DARS1: variants seen among roughly 807,000 people sequenced by gnomAD.
DARS1 encodes aspartyl-tRNA synthetase 1, also known as aspartate--tRNA ligase, cytoplasmic.
In DARS1, 51 loss-of-function variants were observed where a neutral mutation model predicts 68.8. The ratio of observed to expected loss-of-function variants is 0.74; its 90% CI spans 0.59 to 0.94. DARS1 has a LOEUF of 0.94. DARS1 is among the 40% of genes least tolerant of loss of function. DARS1 has a pLI of 0.00. For missense variants in DARS1, 607 were observed against 597.3 expected (o/e 1.02, Z -0.17); for synonymous variants, 203 against 190.4 (o/e 1.07, Z -0.55).
chr2:135,910,035 T>C (rs1680863729), intron 15 of DARS1, among the ~76,000 whole-genome samples: 1 of 152,160 alleles, frequency 6.6e-6, no homozygotes, highest in Admixed American at 6.6e-5. Context: ...TAAGGGATAC[T>C]CAATCTATAC....
intron 11 of DARS1, 146 bp downstream of exon 11, chr2:135,916,080 G>C (rs1680995966): frequency 2.2e-6 from 1 of 458,578 alleles, no homozygotes; most frequent in Admixed American, 3.6e-5. Flanking sequence ...AAATTACCAA[G>C]GTTTTAAAAA....
chr2:135,934,311 T>C lies in DARS1; in HGVS notation c.424-321A>G, dbSNP rs186267888. On this transcript the variant is annotated intron_variant, in intron 5 of 15. Coordinates refer to ENST00000264161, the MANE Select transcript of DARS1 (RefSeq NM_001349.4). ...CTGGGGTGTAGGCACTGGCTTACGG[T>C]CTAGCTATGTCAAAAAAGCTATGGT... 2.6e-5 allele frequency among the ~76,000 whole-genome samples: 4 copies of C among 152,306 alleles called. No individual in the cohort carries two copies. In the East Asian group the frequency reaches 5.8e-4, roughly 22 times the overall value.
At chr2:135,936,513 G>C (rs1681476307) in intron 5 of DARS1, among the ~76,000 whole-genome samples, 1 of 151,886 alleles carries the variant, frequency 6.6e-6, no homozygotes, top group South Asian at 2.1e-4. Context: ...CTCCCACCCT[G>C]GCCTCCCAAA....
At chr2:135,972,644 C>T (rs1682399177) in intron 3 of DARS1, among the ~76,000 whole-genome samples, 1 of 152,148 alleles carries the variant, frequency 6.6e-6, no homozygotes, top group Non-Finnish European at 1.5e-5. Context: ...AGACAACCCA[C>T]AGAATGGGAC....
intron 7 of DARS1, among the ~76,000 whole-genome samples, chr2:135,931,936 C>G (rs1277742286): frequency 6.6e-6 from 1 of 151,920 alleles, no homozygotes; most frequent in Non-Finnish European, 1.5e-5. Flanking sequence ...CTAGCAAGGG[C>G]AAATAAATAA....
At chr2:135,931,423 G>C (rs1681346059) in intron 7 of DARS1, among the ~76,000 whole-genome samples, 1 of 152,070 alleles carries the variant, frequency 6.6e-6, no homozygotes, top group South Asian at 2.1e-4. Context: ...TTTTTAAGGA[G>C]ACAGGGGTCT....
intron 5 of DARS1, among the ~76,000 whole-genome samples, chr2:135,937,072 A>G (rs1370864764): frequency 6.6e-6 from 1 of 152,108 alleles, no homozygotes; most frequent in Non-Finnish European, 1.5e-5. Context: ...AGTACTAAAT[A>G]TGTGTGAATT....
chr2:135,915,557 G>C (rs1429447637), intron 11 of DARS1, among the ~76,000 whole-genome samples: 2 of 152,038 alleles, frequency 1.3e-5, no homozygotes, highest in East Asian at 3.8e-4. Flanking sequence ...AAAGTACTGG[G>C]ATTACAGGCA....
At chr2:135,921,069 G>C (rs1300334119) in intron 9 of DARS1, among the ~76,000 whole-genome samples, 1 of 150,360 alleles carries the variant, frequency 6.7e-6, no homozygotes, top group South Asian at 2.1e-4. Context: ...GACTGGACAG[G>C]AGGAAAAGGC....
intron 7 of DARS1, among the ~76,000 whole-genome samples, chr2:135,931,071 T>C (rs974263640): frequency 1.8e-4 from 28 of 152,228 alleles, no homozygotes; most frequent in African/African-American, 6.0e-4. Flanking sequence ...ACCATTCATA[T>C]ACGAGAAAAA....
At chr2:135,974,424 G>GA (rs1228843744) in intron 3 of DARS1, among the ~76,000 whole-genome samples, 1 of 152,184 alleles carries the variant, frequency 6.6e-6, no homozygotes, top group East Asian at 1.9e-4. Flanking sequence ...AAAGCAGAGT[G>GA]AATAGTATAA....
chr2:135,916,426 C>A, intron 10 of DARS1, 54 bp from the exon 11 acceptor site: 6 of 1,040,276 alleles, frequency 5.8e-6, no homozygotes, highest in Non-Finnish European at 3.0e-6. Context: ...GTTTCCCCCA[C>A]AAGAGGTCAC....
intron 4 of DARS1, among the ~76,000 whole-genome samples, chr2:135,952,808 T>C (rs902182176): frequency 1.3e-5 from 2 of 152,248 alleles, no homozygotes; most frequent in African/African-American, 4.8e-5. Context: ...ATCTTGGCTA[T>C]GGTGAATGGT....
At chr2:135,982,761 A>G (rs1034801346) in intron 2 of DARS1, among the ~76,000 whole-genome samples, 4 of 152,092 alleles carry the variant, frequency 2.6e-5, no homozygotes, top group Admixed American at 6.6e-5. Context: ...AACTCAAATC[A>G]TAGTACTGCC....
chr2:135,934,649 C>G (rs1193191461), intron 5 of DARS1, among the ~76,000 whole-genome samples: 2 of 151,768 alleles, frequency 1.3e-5, no homozygotes. Flanking sequence ...CAAAAACAAA[C>G]ATAAACACAA....
chr2:135,954,647 AAAAT>A (rs2104828235), intron 4 of DARS1, among the ~76,000 whole-genome samples: 1 of 152,318 alleles, frequency 6.6e-6, no homozygotes, highest in Non-Finnish European at 1.5e-5. Context: ...GAAAGGTGGC[AAAAT>A]AAAGCAAGTG....
At chr2:135,967,714 C>T (rs570994351) in intron 3 of DARS1, among the ~76,000 whole-genome samples, 2 of 152,042 alleles carry the variant, frequency 1.3e-5, no homozygotes, top group Non-Finnish European at 2.9e-5. Flanking sequence ...AAATGTCATA[C>T]TTTTGACACT....
At chr2:135,961,672 T>G (rs1220185453) in intron 3 of DARS1, among the ~76,000 whole-genome samples, 174 bp from the exon 4 acceptor site, 2 of 152,192 alleles carry the variant, frequency 1.3e-5, no homozygotes, top group African/African-American at 2.4e-5. Flanking sequence ...CACACTCAAC[T>G]GACAACCCTT....
Position 135,943,393 on chromosome 2 carries a change from C to T in DARS1, c.408G>A (p.Glu136=), listed in dbSNP as rs1469806109. 1 of 1,612,740 alleles carries T rather than the reference C, an allele frequency of 6.2e-7. No individual in the cohort carries two copies. The highest frequency in any genetic ancestry group is 2.2e-5 in the East Asian group (1 of 44,820). The change falls in exon 5 of 16, where the codon GAG becomes GAA. Residue 136 remains glutamate (E), a synonymous_variant. Coordinates refer to ENST00000264161, the MANE Select transcript of DARS1 (RefSeq NM_001349.4). ...AAAAACTTACCTTCTGAACATGTAACTCAACGTCTTGCTGTGTACAGCTTC... is the reference window on the plus strand; with the variant it reads ...AAAAACTTACCTTCTGAACATGTAATTCAACGTCTTGCTGTGTACAGCTTC... ...KIGSCTQQDV[E]LHVQKIYVIS...
Sources: allele counts gnomAD v4.1 joint callset (sites outside exome capture counted in the v4.1 genomes callset), GRCh38; gene constraint gnomAD v4.1.1; transcripts MANE v1.5; gene names NCBI Gene and HGNC (gene_info 2026-07-23, HGNC 2026-07-21).